The following CNTNAP2 variants were observed in gnomAD, a reference collection of about 807,000 sequenced individuals.
CNTNAP2 encodes contactin-associated protein-like 2.
CNTNAP2 carries 98 observed loss-of-function variants against 155.2 expected under a neutral mutation model. The ratio of observed to expected loss-of-function variants is 0.63; its 90% confidence interval spans 0.54 to 0.75. The LOEUF (loss-of-function observed/expected upper bound fraction) is 0.75. CNTNAP2 is among the 30% of genes least tolerant of loss of function. The probability of loss-of-function intolerance (pLI) is 0.00; values close to 1 mark genes in which losing one functional copy is unlikely to be tolerated. For missense variants in CNTNAP2, 1,727 were observed against 1,688.1 expected, an observed-to-expected ratio of 1.02 and a Z score of -0.40; for synonymous variants, 651 against 631.2, an observed-to-expected ratio of 1.03 and a Z score of -0.47.
intron 1 of CNTNAP2, among the ~76,000 whole-genome samples, chr7:146,176,672 C>T (rs1798475245): frequency 6.6e-6 from 1 of 152,040 alleles, no homozygotes; most frequent in African/African-American, 2.4e-5. Context: ...GTTTTAGCTG[C>T]CGGAGATTCA....
Position 147,172,483 on chromosome 7 carries a change from A to T in CNTNAP2, c.1348+39974A>T, listed in dbSNP as rs903641741. On this transcript the variant is annotated intron_variant, in intron 8 of 23. Transcript: ENST00000361727. ...TGTTATTCAGTAGAATCATTGCCAT[A>T]TACTCACTTACCTTTTAATTTTGAT... 3.3e-5 allele frequency among the ~76,000 whole-genome samples: 5 copies of T among 152,294 alleles called. No homozygotes were observed. In the East Asian group the frequency reaches 9.6e-4, roughly 29 times the overall value.
At chr7:146,954,872 A>T (rs535854137) in intron 3 of CNTNAP2, among the ~76,000 whole-genome samples, 2 of 152,078 alleles carry the variant, frequency 1.3e-5, no homozygotes, top group East Asian at 3.9e-4. Flanking sequence ...AGAAACATTT[A>T]TCAATTATTC....
chr7:147,788,350 G>A (rs1797767921), intron 13 of CNTNAP2, among the ~76,000 whole-genome samples: 1 of 152,150 alleles, frequency 6.6e-6, no homozygotes, highest in East Asian at 1.9e-4. Flanking sequence ...TGAGAAATTA[G>A]ACAATTGCAA....
At chr7:146,566,669 C>T (rs1331213797) in intron 1 of CNTNAP2, among the ~76,000 whole-genome samples, 2 of 151,716 alleles carry the variant, frequency 1.3e-5, no homozygotes, top group Non-Finnish European at 2.9e-5. Flanking sequence ...TGCACTCCAG[C>T]CTGGGCGACA....
rs530617616 is a variant in CNTNAP2 at position 146,633,412 on chromosome 7, C to T, written c.98-140859C>T. ...CATTTCTGGCAAATCATAAATTAAC[C>T]TACAGTAAATGACATTAAGGAGATA... On this transcript the variant is annotated intron_variant, in intron 1 of 23. Transcript: ENST00000361727. 3.7e-3 allele frequency among the ~76,000 whole-genome samples: 562 copies of T among 152,120 alleles called. 3 individuals are homozygous for T. The highest frequency in any genetic ancestry group is 5.7e-3 in the Non-Finnish European group (387 of 67,988).
chr7:147,087,439 A>G (rs539044848), intron 4 of CNTNAP2, among the ~76,000 whole-genome samples: 2 of 152,156 alleles, frequency 1.3e-5, no homozygotes, highest in Non-Finnish European at 2.9e-5. Flanking sequence ...ATTTGTGTGT[A>G]GCGAAAGTGG....
intron 4 of CNTNAP2, among the ~76,000 whole-genome samples, chr7:147,101,916 A>G (rs922762821): frequency 3.3e-5 from 5 of 152,138 alleles, no homozygotes; most frequent in African/African-American, 1.2e-4. Context: ...GGAAAACAGG[A>G]TAACTGTTCT....
At chr7:147,017,744 A>G (rs1167317502) in intron 3 of CNTNAP2, among the ~76,000 whole-genome samples, 1 of 152,100 alleles carries the variant, frequency 6.6e-6, no homozygotes. Flanking sequence ...TTGTACAAAT[A>G]TAAAGTGAGC....
intron 1 of CNTNAP2, among the ~76,000 whole-genome samples, chr7:146,397,098 G>C (rs1008607519): frequency 6.6e-6 from 1 of 152,094 alleles, no homozygotes; most frequent in Non-Finnish European, 1.5e-5. Context: ...TGAAGAGATG[G>C]GCTACTAGTT....
At chr7:148,404,099 A>G (rs894262141) in intron 22 of CNTNAP2, among the ~76,000 whole-genome samples, 3 of 152,254 alleles carry the variant, frequency 2.0e-5, no homozygotes, top group African/African-American at 7.2e-5. Flanking sequence ...CTACCTGCAT[A>G]GAAGGTTTTG....
At chr7:147,574,790 T>C (rs2116814425) in intron 12 of CNTNAP2, among the ~76,000 whole-genome samples, 1 of 152,194 alleles carries the variant, frequency 6.6e-6, no homozygotes, top group Admixed American at 6.6e-5. Context: ...TTGGTTCTTC[T>C]CAATGCAGGG....
intron 13 of CNTNAP2, among the ~76,000 whole-genome samples, chr7:147,767,532 C>T (rs1436979392): frequency 6.6e-6 from 1 of 151,924 alleles, no homozygotes; most frequent in Non-Finnish European, 1.5e-5. Flanking sequence ...TCAAGAAAAG[C>T]CCTTTTTATT....
chr7:147,712,153 C>T lies in CNTNAP2; in HGVS notation c.2098+72847C>T, dbSNP rs910899653. Among the ~76,000 whole-genome samples, 11 of 152,282 alleles carry T rather than the reference C, an allele frequency of 7.2e-5. No individual in the cohort carries two copies. The East Asian group carries it at 2.1e-3, about 29-fold the overall frequency. On this transcript the variant is annotated intron_variant, in intron 13 of 23. Coordinates refer to ENST00000361727, the MANE Select transcript of CNTNAP2 (RefSeq NM_014141.6). ...TCAGACACATGAAAAAAATGCTCAT[C>T]ATCGCTGGCCATCAGAGAAATGCAA... is the stretch of plus-strand genomic sequence containing the variant.
At chr7:146,526,624 T>C (rs1418297364) in intron 1 of CNTNAP2, among the ~76,000 whole-genome samples, 1 of 152,116 alleles carries the variant, frequency 6.6e-6, no homozygotes, top group Admixed American at 6.6e-5. Context: ...CCTCCAACAC[T>C]GAGGATTACA....
intron 5 of CNTNAP2, among the ~76,000 whole-genome samples, chr7:147,117,864 C>G (rs1217439758): frequency 6.6e-6 from 1 of 151,982 alleles, no homozygotes; most frequent in Non-Finnish European, 1.5e-5. Flanking sequence ...ACAATAGCTT[C>G]TATAACAAAG....
chr7:148,165,466 A>G (rs1158641557), intron 17 of CNTNAP2, among the ~76,000 whole-genome samples: 2 of 152,174 alleles, frequency 1.3e-5, no homozygotes, highest in African/African-American at 4.8e-5. Context: ...TATACACATC[A>G]TCTCAGCCAT....
intron 21 of CNTNAP2, among the ~76,000 whole-genome samples, chr7:148,336,723 AC>A (rs1249876634): frequency 6.6e-6 from 1 of 152,236 alleles, no homozygotes; most frequent in African/African-American, 2.4e-5. Context: ...TCCTTAGGAA[AC>A]ATTTGAAACT....
intron 5 of CNTNAP2, 68 bp downstream of exon 5, chr7:147,108,418 C>A (rs1800810971): frequency 1.5e-6 from 2 of 1,320,548 alleles, no homozygotes; most frequent in South Asian, 2.8e-5. Flanking sequence ...GTTCATGTTG[C>A]TCAATTCTTT....
intron 8 of CNTNAP2, among the ~76,000 whole-genome samples, chr7:147,238,391 AT>A (rs1468342762): frequency 3.6e-5 from 5 of 139,978 alleles, no homozygotes; most frequent in South Asian, 2.5e-4. Context: ...ATTCCTACAA[AT>A]ATGTGTGCAG....
Sources: allele counts gnomAD v4.1 joint callset (sites outside exome capture counted in the v4.1 genomes callset), GRCh38; gene constraint gnomAD v4.1.1; transcripts MANE v1.5; gene names NCBI Gene and HGNC (gene_info 2026-07-23, HGNC 2026-07-21).